CEP70: variants seen among roughly 807,000 people sequenced by gnomAD.
CEP70 encodes centrosomal protein of 70 kDa.
CEP70 carries 70 observed loss-of-function variants against 90.9 expected under a neutral mutation model. The observed-to-expected ratio is 0.77, with a 90% CI of 0.64 to 0.94. The LOEUF (loss-of-function observed/expected upper bound fraction) is 0.94. Among genes scored for constraint, CEP70 ranks in the 40% least tolerant of loss-of-function variants. The pLI is 0.00. For synonymous variants in CEP70, 220 were observed against 228.3 expected, an observed-to-expected ratio of 0.96 and a Z score of 0.33; for missense variants, 648 against 669.0, an observed-to-expected ratio of 0.97 and a Z score of 0.35.
At chr3:138,567,137 T>G (rs1042106531) in intron 6 of CEP70, among the ~76,000 whole-genome samples, 1 of 152,214 alleles carries the variant, frequency 6.6e-6, no homozygotes, top group Non-Finnish European at 1.5e-5. Context: ...TAATAGCCCA[T>G]GCCAACTGAA....
chr3:138,497,806 G>T, intron 17 of CEP70: 1 of 985,326 alleles, frequency 1.0e-6, no homozygotes, highest in Non-Finnish European at 1.2e-6. Context: ...TCATGATAAG[G>T]TCCTCCAACA....
Position 138,529,599 on chromosome 3 carries a change from G to C in CEP70, c.693-137C>G, listed in dbSNP as rs112316813. ...CACATTTCCTACTTGTTCTCATAGA[G>C]AATGGTATTAGAACACTACTACTAT... On this transcript the variant is annotated intron_variant, in intron 8 of 17. Transcript: ENST00000264982. 1.8e-4 allele frequency: 115 copies of C among 624,856 alleles called. 1 individual carries two copies. Among genetic ancestry groups the C allele is most frequent in the African/African-American group, 1.7e-3 (90 of 54,302 alleles). 38.7% of individuals were successfully genotyped at this position (624,856 alleles called of 1,614,324 possible).
chr3:138,534,064 G>A (rs865929417), intron 7 of CEP70, among the ~76,000 whole-genome samples: 10 of 152,320 alleles, frequency 6.6e-5, no homozygotes, highest in Middle Eastern at 3.4e-3. Context: ...GATTACAGGC[G>A]TAAGCCACTG....
intron 2 of CEP70, among the ~76,000 whole-genome samples, chr3:138,580,367 C>G (rs1279795699): frequency 6.6e-6 from 1 of 152,156 alleles, no homozygotes; most frequent in Non-Finnish European, 1.5e-5. Flanking sequence ...ACAAGAGTCT[C>G]TGCCTGGTAA....
chr3:138,558,952 T>A (rs2040209082), intron 6 of CEP70, among the ~76,000 whole-genome samples: 1 of 152,164 alleles, frequency 6.6e-6, no homozygotes, highest in African/African-American at 2.4e-5. Context: ...AACATAAAAT[T>A]AACCATTTTA....
At chr3:138,562,792 A>G (rs1443779115) in intron 6 of CEP70, among the ~76,000 whole-genome samples, 1 of 152,234 alleles carries the variant, frequency 6.6e-6, no homozygotes, top group Non-Finnish European at 1.5e-5. Flanking sequence ...AAGAAACTGC[A>G]GCAACTAACA....
At chr3:138,532,248 A>C (rs948970372) in intron 8 of CEP70, among the ~76,000 whole-genome samples, 1 of 152,170 alleles carries the variant, frequency 6.6e-6, no homozygotes, top group African/African-American at 2.4e-5. Context: ...AAAAATTATA[A>C]TACTTCAAGA....
At chr3:138,539,824 C>A (rs756855140) in intron 6 of CEP70, among the ~76,000 whole-genome samples, 4 of 151,834 alleles carry the variant, frequency 2.6e-5, no homozygotes, top group Non-Finnish European at 5.9e-5. Flanking sequence ...TCAGAGATCA[C>A]CAAACAGATT....
chr3:138,518,096 G>A (rs2036226760), intron 11 of CEP70, among the ~76,000 whole-genome samples: 1 of 152,220 alleles, frequency 6.6e-6, no homozygotes, highest in African/African-American at 2.4e-5. Flanking sequence ...TAGCACAGAA[G>A]TCTGAGATCA....
At chr3:138,499,860 G>A (rs778736738) in intron 16 of CEP70, 2 of 373,240 alleles carry the variant, frequency 5.4e-6, no homozygotes, top group Non-Finnish European at 1.0e-5. Flanking sequence ...CACAAAAGAT[G>A]CTATTCCAAA....
intron 8 of CEP70, chr3:138,530,744 C>A: frequency 2.0e-6 from 2 of 985,380 alleles, no homozygotes; most frequent in Non-Finnish European, 2.4e-6. Flanking sequence ...TAATGTAATA[C>A]TTGTCAATGA....
At position 138,516,136 on chromosome 3, in the gene CEP70, G is replaced by A. The variant is rs372977230; in HGVS notation, c.945-7592C>T. Among the ~76,000 whole-genome samples, 17 of 152,216 alleles carry A rather than the reference G, an allele frequency of 1.1e-4. No individual in the cohort carries two copies. In the East Asian group the frequency reaches 1.7e-3, roughly 16 times the overall value. On this transcript the variant is annotated intron_variant, in intron 11 of 17. Transcript: ENST00000264982. ...GTACGTTTAGTACTTATAGCATATC[G>A]AAATTGTCTTATTTTTTCATTATCT... is the stretch of plus-strand genomic sequence containing the variant.
chr3:138,573,948 C>G (rs2041348109), intron 2 of CEP70, among the ~76,000 whole-genome samples: 3 of 152,084 alleles, frequency 2.0e-5, no homozygotes, highest in African/African-American at 4.8e-5. Context: ...TATAATGATG[C>G]ATTTTTAAAA....
At chr3:138,495,627 A>T (rs777853192) in intron 17 of CEP70, among the ~76,000 whole-genome samples, 1 of 152,132 alleles carries the variant, frequency 6.6e-6, no homozygotes, top group African/African-American at 2.4e-5. Context: ...CGAGACGGGA[A>T]GATCATCTGA....
intron 17 of CEP70, chr3:138,496,916 T>A (rs528920569): frequency 1.0e-6 from 1 of 986,096 alleles, no homozygotes; most frequent in Non-Finnish European, 1.2e-6. Flanking sequence ...CACACCCTAT[T>A]AAAATATGTT....
intron 2 of CEP70, among the ~76,000 whole-genome samples, chr3:138,576,213 T>A (rs2041512728): frequency 6.6e-6 from 1 of 152,060 alleles, no homozygotes; most frequent in Non-Finnish European, 1.5e-5. Flanking sequence ...ACCCATCTCA[T>A]GTGCAGAGAC....
At chr3:138,497,064 T>A in intron 17 of CEP70, 1 of 1,053,348 alleles carries the variant, frequency 9.5e-7, no homozygotes, top group Non-Finnish European at 1.1e-6. Context: ...GTTTCATACC[T>A]CATCTCAAGT....
chr3:138,534,659 T>C (rs1204008466), intron 7 of CEP70, among the ~76,000 whole-genome samples: 2 of 152,246 alleles, frequency 1.3e-5, no homozygotes, highest in South Asian at 4.1e-4. Context: ...GTTATCATGA[T>C]ACCCAAACAC....
intron 6 of CEP70, among the ~76,000 whole-genome samples, chr3:138,559,883 A>C (rs2040275499): frequency 6.6e-6 from 1 of 152,240 alleles, no homozygotes; most frequent in Non-Finnish European, 1.5e-5. Context: ...AAATGCTGAA[A>C]GTAACTACCA....
Sources: gnomAD v4.1 joint callset for allele counts (sites outside exome capture counted in the v4.1 genomes callset) on GRCh38, gnomAD v4.1.1 for gene constraint, MANE v1.5 for transcripts, NCBI Gene and HGNC (gene_info 2026-07-23, HGNC 2026-07-21) for gene names.